Variants in TSPAN5 observed in about 807,000 individuals in gnomAD.
TSPAN5 encodes the protein tetraspanin-5.
TSPAN5 carries 10 observed loss-of-function variants against 37.1 expected under a neutral mutation model. The observed-to-expected ratio is 0.27, with a 90% CI of 0.17 to 0.46. The LOEUF (loss-of-function observed/expected upper bound fraction) is 0.46. TSPAN5 is among the 20% of genes least tolerant of loss of function. The pLI, the probability that TSPAN5 is intolerant of heterozygous loss-of-function variation, is 1.00. For missense variants in TSPAN5, 195 were observed against 326.6 expected (o/e 0.60, Z 3.11); for synonymous variants, 110 against 118.9 (o/e 0.93, Z 0.48).
At chr4:98,565,411 G>A (rs1281982667) in intron 1 of TSPAN5, among the ~76,000 whole-genome samples, 1 of 146,838 alleles carries the variant, frequency 6.8e-6, no homozygotes, top group Admixed American at 7.0e-5. Context: ...GAGCTTTTGA[G>A]CAAATTTTCA....
intron 1 of TSPAN5, among the ~76,000 whole-genome samples, chr4:98,549,455 G>C (rs760569223): frequency 3.3e-5 from 5 of 151,646 alleles, no homozygotes; most frequent in Non-Finnish European, 5.9e-5. Context: ...GGTGCCCTAC[G>C]CCCAGCTAGT....
chr4:98,542,243 C>T (rs981435091), intron 1 of TSPAN5, among the ~76,000 whole-genome samples: 1 of 152,224 alleles, frequency 6.6e-6, no homozygotes, highest in Non-Finnish European at 1.5e-5. Flanking sequence ...TGCTCACATC[C>T]GTTCCACCCA....
At chr4:98,494,247 C>T (rs1268934968) in intron 2 of TSPAN5, among the ~76,000 whole-genome samples, 3 of 152,064 alleles carry the variant, frequency 2.0e-5, no homozygotes, top group African/African-American at 7.2e-5. Context: ...TCCTCCTGAA[C>T]AAACCATCCT....
At chr4:98,557,175 T>C (rs10007752) in intron 1 of TSPAN5, among the ~76,000 whole-genome samples, 15,870 of 152,104 alleles carry the variant, frequency 0.1, 1,317 homozygotes, top group East Asian at 0.28. Context: ...ATAGTACATT[T>C]TATCATACTA....
chr4:98,539,736 C>T (rs530114900), intron 1 of TSPAN5, among the ~76,000 whole-genome samples: 12 of 152,300 alleles, frequency 7.9e-5, no homozygotes, highest in African/African-American at 2.6e-4. Flanking sequence ...CTGGTCCTCA[C>T]ACCTTTGTGT....
chr4:98,535,435 C>T (rs956978674), intron 1 of TSPAN5, among the ~76,000 whole-genome samples: 2 of 152,184 alleles, frequency 1.3e-5, no homozygotes, highest in South Asian at 4.1e-4. Context: ...TTGTGGGTAA[C>T]CTGACCTTTC....
rs530344359 is a variant in TSPAN5, at chr4:98,631,868, G to C, written c.81+26278C>G. Among the ~76,000 whole-genome samples, 7 of 152,292 alleles carry C rather than the reference G, an allele frequency of 4.6e-5. No individual in the cohort carries two copies. In the East Asian group the frequency reaches 1.4e-3, roughly 29 times the overall value. On this transcript the variant is annotated intron_variant, in intron 1 of 7. Transcript: ENST00000305798. ...GGGGACTCGGCCATAATAGGCCTTA[G>C]AAACCAAGATCTTAGGCCACTTTTT...
chr4:98,590,659 G>T (rs188856273), intron 1 of TSPAN5, among the ~76,000 whole-genome samples: 1 of 151,268 alleles, frequency 6.6e-6, no homozygotes, highest in East Asian at 1.9e-4. Context: ...GCAGTGAGCC[G>T]AGGTTGCATC....
chr4:98,642,365 C>T (rs1004268429), intron 1 of TSPAN5, among the ~76,000 whole-genome samples: 9 of 152,280 alleles, frequency 5.9e-5, no homozygotes, highest in African/African-American at 2.2e-4. Context: ...GGGTCTCTAG[C>T]TAAGACTTAG....
intron 1 of TSPAN5, among the ~76,000 whole-genome samples, chr4:98,548,679 T>G (rs995896324): frequency 6.6e-6 from 1 of 152,136 alleles, no homozygotes; most frequent in African/African-American, 2.4e-5. Context: ...CCTCCCATCC[T>G]CCCACTATTT....
At chr4:98,489,811 A>AATCCGTGAGGCG in intron 2 of TSPAN5, among the ~76,000 whole-genome samples, 1 of 152,244 alleles carries the variant, frequency 6.6e-6, no homozygotes, top group Admixed American at 6.5e-5. Flanking sequence ...CATTCCTTGG[A>AATCCGTGAGGCG]ATCCGTGAGG....
At chr4:98,515,586 T>TAC (rs1255340245) in intron 1 of TSPAN5, among the ~76,000 whole-genome samples, 7 of 151,744 alleles carry the variant, frequency 4.6e-5, no homozygotes, top group Non-Finnish European at 8.8e-5. Context: ...ATTTGACATT[T>TAC]ACACACACAC....
chr4:98,515,530 T>TCC (rs1033518023), intron 1 of TSPAN5, among the ~76,000 whole-genome samples: 2 of 152,058 alleles, frequency 1.3e-5, no homozygotes, highest in African/African-American at 4.8e-5. Flanking sequence ...TCTCTCTCTC[T>TCC]CTCTCCCTCT....
chr4:98,472,715 T>A (rs1752616267), intron 7 of TSPAN5, 128 bp from the exon 8 acceptor site: 1 of 741,294 alleles, frequency 1.3e-6, no homozygotes. Flanking sequence ...GTAAAAAGCA[T>A]CCTTGAAATG....
At chr4:98,573,060 T>C (rs184672893) in intron 1 of TSPAN5, among the ~76,000 whole-genome samples, 3 of 152,236 alleles carry the variant, frequency 2.0e-5, no homozygotes, top group African/African-American at 4.8e-5. Flanking sequence ...ACGTTTCTTA[T>C]GGAGAAAGAG....
chr4:98,511,134 CT>C (rs1396054606), intron 1 of TSPAN5, among the ~76,000 whole-genome samples: 2 of 152,298 alleles, frequency 1.3e-5, no homozygotes, highest in Admixed American at 1.3e-4. Flanking sequence ...TCTGAGGCAT[CT>C]TATCTGAGGC....
intron 2 of TSPAN5, among the ~76,000 whole-genome samples, chr4:98,492,742 T>C (rs141456337): frequency 2.0e-5 from 3 of 152,238 alleles, no homozygotes; most frequent in African/African-American, 4.8e-5. Flanking sequence ...TAACTCACTA[T>C]GAATTCAGCA....
chr4:98,562,549 T>C (rs977762368), intron 1 of TSPAN5, among the ~76,000 whole-genome samples: 1 of 152,050 alleles, frequency 6.6e-6, no homozygotes, highest in African/African-American at 2.4e-5. Context: ...TAGTCCCAGC[T>C]ACTCAGGAGG....
intron 1 of TSPAN5, among the ~76,000 whole-genome samples, chr4:98,599,357 A>G (rs1755830333): frequency 6.6e-6 from 1 of 152,212 alleles, no homozygotes; most frequent in Admixed American, 6.5e-5. Flanking sequence ...AATCTAAAGA[A>G]ACAAGGTCAT....
Sources: allele counts gnomAD v4.1 joint callset (sites outside exome capture counted in the v4.1 genomes callset), GRCh38; gene constraint gnomAD v4.1.1; transcripts MANE v1.5; gene names NCBI Gene and HGNC (gene_info 2026-07-23, HGNC 2026-07-21).